The following ANKRD33B variants were observed in gnomAD, a reference collection of about 807,000 sequenced individuals.
ANKRD33B encodes the protein ankyrin repeat domain-containing protein 33B.
In ANKRD33B, 6 loss-of-function variants were observed where a neutral mutation model predicts 21.5. The ratio of observed to expected loss-of-function variants is 0.28; its 90% confidence interval spans 0.15 to 0.55. ANKRD33B has a LOEUF of 0.55. Ranked by LOEUF, ANKRD33B falls within the 20% of genes least tolerant of loss-of-function variation. The pLI is 0.94. For missense variants in ANKRD33B, 698 were observed against 747.2 expected (o/e 0.93, Z 0.77); for synonymous variants, 347 against 342.4 (o/e 1.01, Z -0.15).
Position 10,564,517 on chromosome 5 carries a change from T to TGACCCCACCACCGCC in ANKRD33B, c.52_66dup (p.Thr18_Pro22dup), listed in dbSNP as rs1467958130. 3.3e-6 allele frequency: 5 copies of TGACCCCACCACCGCC among 1,529,514 alleles called. No individual in the cohort carries two copies. Among genetic ancestry groups the TGACCCCACCACCGCC allele is most frequent in the Non-Finnish European group, 4.4e-6 (5 of 1,144,260 alleles). The allele number at this position is 1,529,514 out of a possible 1,614,324, so 94.7% of individuals were successfully genotyped here. A position where few individuals can be genotyped will look rare whatever the true frequency, so the allele number is the denominator to read the frequency against. The stretch of plus-strand genomic sequence containing the variant: ...CCGGAGGGCGGCGGGGCGCGCTGCA[T>TGACCCCACCACCGCC]GACCCCACCACCGCCGTCCCCACCC... On this transcript the variant is annotated inframe_insertion, in exon 1 of 4. Transcript: ENST00000296657.
At chr5:10,641,225 C>CTTCTTCTTCTTCTT (rs1553995125) in intron 3 of ANKRD33B, among the ~76,000 whole-genome samples, 1 of 77,448 alleles carries the variant, frequency 1.3e-5, no homozygotes, top group Non-Finnish European at 2.8e-5. Context: ...TCTTCTTCTT[C>CTTCTTCTTCTTCTT]TTTTTTTTTT....
At chr5:10,612,510 CAA>C (rs1736194468) in intron 1 of ANKRD33B, among the ~76,000 whole-genome samples, 1 of 152,234 alleles carries the variant, frequency 6.6e-6, no homozygotes, top group African/African-American at 2.4e-5. Flanking sequence ...TGAAGGGACA[CAA>C]ACGTTCCGTC....
chr5:10,643,409 G>A (rs1337582507), intron 3 of ANKRD33B, among the ~76,000 whole-genome samples: 2 of 152,014 alleles, frequency 1.3e-5, no homozygotes, highest in African/African-American at 2.4e-5. Flanking sequence ...GCTTCCCATC[G>A]AGAACCACTG....
At position 10,566,442 on chromosome 5, in the gene ANKRD33B, C is replaced by T. The variant is rs367588047; in HGVS notation, c.366+1609C>T. Among the ~76,000 whole-genome samples, 727 of 152,226 alleles carry T rather than the reference C, an allele frequency of 4.8e-3. 3 individuals carry two copies. The highest frequency in any genetic ancestry group is 0.017 in the African/African-American group (686 of 41,520). ...CTTTCTGGAAGCCAGTATGGGGGCC[C>T]GCTTTAAAGGAAGCCTCACCAAGCT... On this transcript the variant is annotated intron_variant, in intron 1 of 3. Transcript: ENST00000296657.
intron 2 of ANKRD33B, chr5:10,628,132 T>TG (rs1736623807): frequency 2.0e-5 from 3 of 152,296 alleles, no homozygotes; most frequent in Non-Finnish European, 4.4e-5. Context: ...CAGTCAATCT[T>TG]AGACAACCCA....
intron 1 of ANKRD33B, among the ~76,000 whole-genome samples, chr5:10,606,800 C>T (rs989837004): frequency 6.6e-6 from 1 of 151,224 alleles, no homozygotes; most frequent in African/African-American, 2.4e-5. Flanking sequence ...GCAATCTCAG[C>T]TCGCTGCAAG....
intron 1 of ANKRD33B, among the ~76,000 whole-genome samples, chr5:10,614,750 G>C (rs1736246384): frequency 6.6e-6 from 1 of 152,168 alleles, no homozygotes; most frequent in African/African-American, 2.4e-5. Context: ...AGCCGGGCTT[G>C]GTGGCAGGCA....
At chr5:10,596,050 C>G (rs1441406365) in intron 1 of ANKRD33B, among the ~76,000 whole-genome samples, 1 of 152,114 alleles carries the variant, frequency 6.6e-6, no homozygotes, top group Non-Finnish European at 1.5e-5. Context: ...TGGCATAAGC[C>G]GAACAGATTG....
intron 2 of ANKRD33B, among the ~76,000 whole-genome samples, chr5:10,632,476 G>C (rs1014604020): frequency 3.9e-5 from 6 of 152,174 alleles, no homozygotes; most frequent in African/African-American, 1.4e-4. Context: ...GGAACCAGGG[G>C]TGTGGCGGGG....
Position 10,626,237 on chromosome 5 carries a change from C to T in ANKRD33B, c.496+7775C>T, listed in dbSNP as rs531447967. On this transcript the variant is annotated intron_variant, in intron 2 of 3. Transcript: ENST00000296657. Reference sequence around the variant, plus strand: ...GTTGGTGCAGGTCAGCTTCCTAGGCCGAAAGCAGGGCAAGGAAGAGGAGAA... The same window carrying T: ...GTTGGTGCAGGTCAGCTTCCTAGGCTGAAAGCAGGGCAAGGAAGAGGAGAA... Among the ~76,000 whole-genome samples, 8 of 152,232 alleles carry T rather than the reference C, an allele frequency of 5.3e-5. No individual in the cohort carries two copies. The South Asian group carries it at 6.2e-4, about 12-fold the overall frequency.
intron 3 of ANKRD33B, among the ~76,000 whole-genome samples, chr5:10,641,331 C>A (rs1008651128): frequency 8.7e-5 from 13 of 149,592 alleles, no homozygotes; most frequent in Non-Finnish European, 1.6e-4. Context: ...CGGGTTCAAG[C>A]GATTCTCCTG....
chr5:10,573,051 G>A (rs768585154), intron 1 of ANKRD33B, among the ~76,000 whole-genome samples: 25 of 152,160 alleles, frequency 1.6e-4, no homozygotes, highest in Admixed American at 1.2e-3. Context: ...AATCCAATCA[G>A]TTGCCACTGA....
At chr5:10,589,964 A>G (rs1472059099) in intron 1 of ANKRD33B, among the ~76,000 whole-genome samples, 1 of 144,128 alleles carries the variant, frequency 6.9e-6, no homozygotes, top group Non-Finnish European at 1.5e-5. Context: ...TTTTTTTTTT[A>G]ATTTTCTGGG....
At chr5:10,575,848 G>T (rs1281789365) in intron 1 of ANKRD33B, among the ~76,000 whole-genome samples, 2 of 152,154 alleles carry the variant, frequency 1.3e-5, no homozygotes, top group Non-Finnish European at 2.9e-5. Flanking sequence ...GGGGCCGAGC[G>T]TGGGGAGGGG....
At position 10,632,532 on chromosome 5, in the gene ANKRD33B, T is replaced by A. The variant is rs118059304; in HGVS notation, c.497-5496T>A. 2.6e-3 allele frequency among the ~76,000 whole-genome samples: 397 copies of A among 152,212 alleles called. 13 individuals carry two copies. In the East Asian group the frequency reaches 0.068, roughly 26 times the overall value. On this transcript the variant is annotated intron_variant, in intron 2 of 3. Coordinates refer to ENST00000296657, the MANE Select transcript of ANKRD33B (RefSeq NM_001164440.2). ...TCCTCTTTTGCATACCACAGACCTG[T>A]CCATCCACTCATTTAGGAGCTCTCT...
intron 3 of ANKRD33B, among the ~76,000 whole-genome samples, chr5:10,645,115 G>A (rs1024828143): frequency 6.6e-6 from 1 of 152,192 alleles, no homozygotes; most frequent in African/African-American, 2.4e-5. Flanking sequence ...CCTCCCTGCT[G>A]GGCTGGAGCA....
At chr5:10,632,205 G>T (rs1736737253) in intron 2 of ANKRD33B, among the ~76,000 whole-genome samples, 1 of 152,034 alleles carries the variant, frequency 6.6e-6, no homozygotes, top group Non-Finnish European at 1.5e-5. Context: ...GGGCGATGGG[G>T]GAAAGCCGAG....
In ANKRD33B at chr5:10,564,391, G is replaced by C. The variant is rs1282655588; in HGVS notation, c.-77G>C. ...CTCTGGGGACGCAGAAGCGAGAAGC[G>C]GGGACCTCGGCGCGCGCCCCGCGTC... On this transcript the variant is annotated 5_prime_UTR_variant, in exon 1 of 4. Transcript: ENST00000296657. 3.0e-5 allele frequency: 29 copies of C among 954,650 alleles called. No individual in the cohort carries two copies. The highest frequency in any genetic ancestry group is 3.6e-5 in the Non-Finnish European group (29 of 796,368). The allele number at this position is 954,650 out of a possible 1,614,324, so 59.1% of individuals were successfully genotyped here. A position where few individuals can be genotyped will look rare whatever the true frequency, so the allele number is the denominator to read the frequency against.
chr5:10,566,282 C>G (rs1166188258), intron 1 of ANKRD33B, among the ~76,000 whole-genome samples: 1 of 152,226 alleles, frequency 6.6e-6, no homozygotes, highest in African/African-American at 2.4e-5. Flanking sequence ...CCTCCCCCAG[C>G]CCTGGCGACA....
Sources: gnomAD v4.1 joint callset for allele counts (sites outside exome capture counted in the v4.1 genomes callset) on GRCh38, gnomAD v4.1.1 for gene constraint, MANE v1.5 for transcripts, NCBI Gene and HGNC (gene_info 2026-07-23, HGNC 2026-07-21) for gene names.